CSMD1: variants seen among roughly 807,000 people sequenced by gnomAD.
The protein encoded by CSMD1 is CUB and Sushi multiple domains 1, also known as CUB and sushi domain-containing protein 1.
A neutral mutation model predicts 417.5 loss-of-function variants in CSMD1; 213 were observed. That is an observed-to-expected ratio of 0.51 (90% CI 0.46 to 0.57). CSMD1 has a LOEUF of 0.57. CSMD1 is among the 20% of genes least tolerant of loss of function. CSMD1 has a pLI of 0.00. For synonymous variants in CSMD1, 2,862 were observed against 1,736.8 expected (o/e 1.65, Z -16.11); for missense variants, 6,923 against 4,529.7 (o/e 1.53, Z -15.17).
intron 3 of CSMD1, among the ~76,000 whole-genome samples, chr8:4,289,094 A>C (rs1399601175): frequency 6.6e-6 from 1 of 152,214 alleles, no homozygotes; most frequent in Non-Finnish European, 1.5e-5. Context: ...ATTTGGTGTA[A>C]CAGCAAAAGA....
intron 26 of CSMD1, among the ~76,000 whole-genome samples, chr8:3,270,590 C>T (rs978300079): frequency 3.3e-5 from 5 of 152,088 alleles, no homozygotes; most frequent in African/African-American, 4.8e-5. Flanking sequence ...CTTAACAGGT[C>T]GACACAGATG....
chr8:4,684,522 T>C (rs1806245183), intron 1 of CSMD1, among the ~76,000 whole-genome samples: 1 of 152,154 alleles, frequency 6.6e-6, no homozygotes, highest in Non-Finnish European at 1.5e-5. Context: ...TAAATCTCTG[T>C]TTTCAAAAAA....
At chr8:3,840,866 C>G (rs1563134675) in intron 5 of CSMD1, among the ~76,000 whole-genome samples, 1 of 151,750 alleles carries the variant, frequency 6.6e-6, no homozygotes, top group Non-Finnish European at 1.5e-5. Flanking sequence ...TGTGACTACG[C>G]CCATTAATTT....
chr8:4,846,126 T>A (rs1443515556), intron 1 of CSMD1, among the ~76,000 whole-genome samples: 1 of 152,198 alleles, frequency 6.6e-6, no homozygotes, highest in East Asian at 1.9e-4. Context: ...ATTGAGTACC[T>A]CATCTCTTTC....
chr8:3,339,589 C>G (rs990693540), intron 23 of CSMD1, among the ~76,000 whole-genome samples: 3 of 152,182 alleles, frequency 2.0e-5, no homozygotes, highest in African/African-American at 7.2e-5. Flanking sequence ...ACCGGAAACC[C>G]TATGTCAATA....
intron 49 of CSMD1, among the ~76,000 whole-genome samples, chr8:3,083,199 C>T (rs1284073881): frequency 6.6e-6 from 1 of 151,874 alleles, no homozygotes; most frequent in Non-Finnish European, 1.5e-5. Flanking sequence ...AACAAAAATG[C>T]TAGTTTTTTT....
chr8:4,989,512 CTT>C (rs1057412771), intron 1 of CSMD1, among the ~76,000 whole-genome samples: 2 of 152,132 alleles, frequency 1.3e-5, no homozygotes, highest in African/African-American at 4.8e-5. Context: ...TCAAATAAAA[CTT>C]AAATTAAAAA....
At chr8:3,165,479 T>A (rs1436200245) in intron 37 of CSMD1, among the ~76,000 whole-genome samples, 2 of 152,086 alleles carry the variant, frequency 1.3e-5, no homozygotes, top group African/African-American at 4.8e-5. Flanking sequence ...TCGCCCAGGC[T>A]GGAGTGCAGT....
chr8:4,066,500 T>C (rs1035636), intron 3 of CSMD1, among the ~76,000 whole-genome samples: 55,353 of 152,136 alleles, frequency 0.36, 10,306 homozygotes, highest in East Asian at 0.5. Flanking sequence ...ATTGACTTGA[T>C]AGAAAACAAT....
chr8:4,003,446 G>C (rs951657242), intron 4 of CSMD1, among the ~76,000 whole-genome samples: 12 of 142,554 alleles, frequency 8.4e-5, no homozygotes, highest in African/African-American at 3.1e-4. Context: ...AAATAGATAA[G>C]TAAATAACAA....
chr8:4,208,747 T>A (rs1374461981), intron 3 of CSMD1, among the ~76,000 whole-genome samples: 1 of 152,176 alleles, frequency 6.6e-6, no homozygotes, highest in Admixed American at 6.5e-5. Flanking sequence ...ATATGGAGAA[T>A]ATATTGTCGT....
intron 1 of CSMD1, among the ~76,000 whole-genome samples, chr8:4,725,215 T>G (rs1254452793): frequency 6.6e-6 from 1 of 152,158 alleles, no homozygotes; most frequent in Non-Finnish European, 1.5e-5. Context: ...TAAATTTAAG[T>G]CTTATTGCAA....
chr8:4,160,757 C>T (rs972800520), intron 3 of CSMD1, among the ~76,000 whole-genome samples: 6 of 152,208 alleles, frequency 3.9e-5, no homozygotes, highest in Non-Finnish European at 8.8e-5. Flanking sequence ...TACATTTACT[C>T]AGTCACACTT....
chr8:3,299,163 G>A (rs1445122535), intron 25 of CSMD1, among the ~76,000 whole-genome samples: 1 of 152,106 alleles, frequency 6.6e-6, no homozygotes, highest in Non-Finnish European at 1.5e-5. Flanking sequence ...TAAAAAAAAT[G>A]GAGTGAAGCC....
chr8:3,989,729 T>C (rs749135548), intron 5 of CSMD1, among the ~76,000 whole-genome samples: 1 of 152,230 alleles, frequency 6.6e-6, no homozygotes, highest in Non-Finnish European at 1.5e-5. Flanking sequence ...TTGTATTTAC[T>C]AAAGTCATAG....
intron 3 of CSMD1, among the ~76,000 whole-genome samples, chr8:4,204,902 C>G (rs908551737): frequency 6.6e-6 from 1 of 152,114 alleles, no homozygotes; most frequent in African/African-American, 2.4e-5. Flanking sequence ...CTCAAAGATC[C>G]TCCCATCTCA....
intron 3 of CSMD1, among the ~76,000 whole-genome samples, chr8:4,253,832 T>C (rs1223276800): frequency 6.6e-6 from 1 of 151,668 alleles, no homozygotes; most frequent in Non-Finnish European, 1.5e-5. Flanking sequence ...TATTATCCTA[T>C]TGCTAAGGAG....
At chr8:4,042,465 T>C (rs1375469939) in intron 3 of CSMD1, among the ~76,000 whole-genome samples, 2 of 152,002 alleles carry the variant, frequency 1.3e-5, no homozygotes, top group African/African-American at 4.8e-5. Context: ...TATTTTGCAA[T>C]ATCACAGGGT....
intron 1 of CSMD1, among the ~76,000 whole-genome samples, chr8:4,819,070 G>A (rs1264302273): frequency 6.6e-6 from 1 of 152,186 alleles, no homozygotes; most frequent in Non-Finnish European, 1.5e-5. Flanking sequence ...GAGCAGCTCA[G>A]CAACAACAGC....
Sources: gnomAD v4.1 joint callset for allele counts (sites outside exome capture counted in the v4.1 genomes callset) on GRCh38, gnomAD v4.1.1 for gene constraint, MANE v1.5 for transcripts, NCBI Gene and HGNC (gene_info 2026-07-23, HGNC 2026-07-21) for gene names.